The following DHRSX variants were observed in gnomAD, a reference collection of about 807,000 sequenced individuals.
DHRSX encodes the protein dehydrogenase/reductase X-linked.
DHRSX carries 31 observed loss-of-function variants against 34.0 expected under a neutral mutation model. The observed-to-expected ratio is 0.91, with a 90% CI of 0.69 to 1.23. The LOEUF is 1.23. Ranked by LOEUF, DHRSX falls within the 50% of genes most tolerant of loss-of-function variation. DHRSX has a pLI of 0.00. For missense variants in DHRSX, 414 were observed against 428.1 expected, an observed-to-expected ratio of 0.97 and a Z score of 0.29; for synonymous variants, 201 against 183.8, an observed-to-expected ratio of 1.09 and a Z score of -0.76.
intron 3 of DHRSX, among the ~76,000 whole-genome samples, chrX:2,399,338 G>A (rs752469855): frequency 1.7e-4 from 25 of 148,668 alleles, no homozygotes; most frequent in African/African-American, 5.0e-4. Context: ...GACACTTCTC[G>A]AAAACATGAA....
chrX:2,412,922 C>T (rs1231672789), intron 2 of DHRSX, among the ~76,000 whole-genome samples: 1 of 152,098 alleles, frequency 6.6e-6, no homozygotes, highest in Non-Finnish European at 1.5e-5. Flanking sequence ...ATTGGCCAGG[C>T]GTGGTATCTC....
chrX:2,322,439 C>T (rs1031360112), intron 3 of DHRSX, among the ~76,000 whole-genome samples: 38 of 151,636 alleles, frequency 2.5e-4, no homozygotes, highest in Non-Finnish European at 4.4e-4. Flanking sequence ...GTGCCAGCTA[C>T]TCGGGAGGCT....
At chrX:2,423,692 T>C (rs1260192392) in intron 2 of DHRSX, among the ~76,000 whole-genome samples, 2 of 152,156 alleles carry the variant, frequency 1.3e-5, no homozygotes, top group East Asian at 1.9e-4. Flanking sequence ...TTAAGCTAGC[T>C]GATTTAGACT....
At chrX:2,308,024 G>GT (rs1272135113) in intron 3 of DHRSX, among the ~76,000 whole-genome samples, 1 of 152,004 alleles carries the variant, frequency 6.6e-6, no homozygotes, top group Non-Finnish European at 1.5e-5. Flanking sequence ...CTTGAGATAG[G>GT]TTTTTTCATT....
intron 1 of DHRSX, among the ~76,000 whole-genome samples, chrX:2,437,694 A>AGT (rs1167470793): frequency 6.1e-4 from 42 of 69,346 alleles, no homozygotes; most frequent in African/African-American, 3.5e-3. Context: ...AGAGAGAGAG[A>AGT]GAGAGTGTGT....
intron 3 of DHRSX, among the ~76,000 whole-genome samples, chrX:2,343,475 C>T (rs2042664922): frequency 6.6e-6 from 1 of 152,196 alleles, no homozygotes; most frequent in South Asian, 2.1e-4. Flanking sequence ...AGACCACATC[C>T]AAACAGTTAA....
rs774370245 is a variant in DHRSX at position 2,399,827 on chromosome X, G to A, written c.286+8918C>T. 4.6e-5 allele frequency among the ~76,000 whole-genome samples: 7 copies of A among 151,370 alleles called. No individual in the cohort carries two copies. The East Asian group carries it at 7.7e-4, about 17-fold the overall frequency. ...GTGGGAGGATCGCCTGAGGCCAGGA[G>A]TTTGAGACCAGCCTGGGCGACATAA... On this transcript the variant is annotated intron_variant, in intron 3 of 6. Transcript: ENST00000334651.
At position 2,248,623 on chromosome X, in the gene DHRSX, AAAAGAAAAAG is replaced by A. The variant is rs1363415704; in HGVS notation, c.597-5403_597-5394del. On this transcript the variant is annotated intron_variant, in intron 5 of 6. Transcript: ENST00000334651. ...AGCAAGACTCTGTCTCAAAAAAAAA[AAAAGAAAAAG>A]AAAAGAAAAGAAAAAGAAAGAAAAG... is the stretch of plus-strand genomic sequence containing the variant. 2.0e-3 allele frequency among the ~76,000 whole-genome samples: 139 copies of A among 70,126 alleles called. 1 individual carries two copies. Among genetic ancestry groups the A allele is most frequent in the African/African-American group, 4.8e-3 (138 of 28,830 alleles). The allele number at this position is 70,126 out of a possible 152,430, so 46.0% of individuals were successfully genotyped here.
chrX:2,253,256 T>C (rs1243847734), intron 5 of DHRSX, among the ~76,000 whole-genome samples: 1 of 151,230 alleles, frequency 6.6e-6, no homozygotes, highest in Non-Finnish European at 1.5e-5. Flanking sequence ...CACTCCAGCC[T>C]AGGAGGCGGA....
At chrX:2,469,153 T>G (rs965304431) in intron 1 of DHRSX, among the ~76,000 whole-genome samples, 1 of 151,742 alleles carries the variant, frequency 6.6e-6, no homozygotes, top group Non-Finnish European at 1.5e-5. Context: ...ACCACCACCA[T>G]GTACACACCG....
chrX:2,485,341 A>C (rs1385335629), intron 1 of DHRSX, among the ~76,000 whole-genome samples: 3 of 151,978 alleles, frequency 2.0e-5, no homozygotes, highest in Admixed American at 6.6e-5. Flanking sequence ...CGTGCAAGAA[A>C]GAGAAATTTC....
chrX:2,475,934 C>T (rs982397369), intron 1 of DHRSX, among the ~76,000 whole-genome samples: 4 of 152,166 alleles, frequency 2.6e-5, no homozygotes, highest in Admixed American at 1.3e-4. Context: ...TCGATCTAAT[C>T]GCCTTCTAAA....
intron 6 of DHRSX, among the ~76,000 whole-genome samples, chrX:2,226,300 C>G (rs1338250637): frequency 6.6e-6 from 1 of 152,116 alleles, no homozygotes; most frequent in Non-Finnish European, 1.5e-5. Context: ...GGAGCATGAG[C>G]AATTACTCGA....
At chrX:2,274,856 T>C (rs1445287930) in intron 4 of DHRSX, among the ~76,000 whole-genome samples, 4 of 152,108 alleles carry the variant, frequency 2.6e-5, no homozygotes, top group Non-Finnish European at 4.4e-5. Flanking sequence ...TGTTGTTGAG[T>C]TCTTTGCCAG....
chrX:2,462,957 A>T (rs2044423251), intron 1 of DHRSX, among the ~76,000 whole-genome samples: 2 of 152,118 alleles, frequency 1.3e-5, no homozygotes, highest in African/African-American at 2.4e-5. Flanking sequence ...GGAGGTGATG[A>T]CTTCATGGGG....
rs746411985 is a variant in DHRSX, at chrX:2,266,959, A to T, written c.389-12T>A. On this transcript the variant is annotated splice_polypyrimidine_tract_variant and intron_variant, in intron 4 of 6. Coordinates refer to ENST00000334651, the MANE Select transcript of DHRSX (RefSeq NM_145177.3). ...CATCATCACCCCAGCTGGACAAAAG[A>T]GAATATCAGAAGGAGTTAGACTGGG... The T allele has an allele frequency of 6.8e-6, 11 of 1,613,554 alleles. No homozygotes were observed. The highest frequency in any genetic ancestry group is 4.4e-5 in the South Asian group (4 of 91,058).
intron 4 of DHRSX, among the ~76,000 whole-genome samples, chrX:2,277,142 A>G (rs182548344): frequency 0.014 from 72 of 5,280 alleles, no homozygotes; most frequent in South Asian, 0.054. Flanking sequence ...GAGAGAAGGA[A>G]GAGGAGGAAA....
At chrX:2,303,484 G>A (rs748749865) in intron 3 of DHRSX, among the ~76,000 whole-genome samples, 97 of 152,208 alleles carry the variant, frequency 6.4e-4, no homozygotes, top group African/African-American at 1.9e-3. Context: ...CCATTAAGAC[G>A]TGCTGGCTTC....
intron 1 of DHRSX, among the ~76,000 whole-genome samples, chrX:2,461,051 T>A (rs2044395745): frequency 6.6e-6 from 1 of 152,170 alleles, no homozygotes; most frequent in African/African-American, 2.4e-5. Flanking sequence ...GAAACTTTAT[T>A]ATTCTTTGCA....
Sources: gnomAD v4.1 joint callset for allele counts (sites outside exome capture counted in the v4.1 genomes callset) on GRCh38, gnomAD v4.1.1 for gene constraint, MANE v1.5 for transcripts, NCBI Gene and HGNC (gene_info 2026-07-23, HGNC 2026-07-21) for gene names.